The following THNSL1 variants were observed in gnomAD, a reference collection of about 807,000 sequenced individuals.
THNSL1 encodes the protein threonine synthase-like 1.
In THNSL1, 48 loss-of-function variants were observed where a neutral mutation model predicts 50.4. That is an observed-to-expected ratio of 0.95 (90% CI 0.76 to 1.21). THNSL1 has a LOEUF of 1.21. THNSL1 is among the 50% of genes most tolerant of loss of function. THNSL1 has a pLI of 0.00. For synonymous variants in THNSL1, 309 were observed against 306.1 expected, an observed-to-expected ratio of 1.01 and a Z score of -0.10; for missense variants, 896 against 871.7, an observed-to-expected ratio of 1.03 and a Z score of -0.35.
Position 25,025,428 on chromosome 10 carries a change from A to G in THNSL1, c.2205A>G (p.Glu735=), listed in dbSNP as rs1176408541. The G allele has an allele frequency of 6.2e-7, 1 of 1,607,974 alleles. No individual in the cohort carries two copies. Among genetic ancestry groups the G allele is most frequent in the Non-Finnish European group, 8.5e-7 (1 of 1,177,776 alleles). The change falls in exon 3 of 3, where the codon GAA becomes GAG. Residue 735 remains glutamate, a synonymous_variant. Coordinates refer to ENST00000376356, the MANE Select transcript of THNSL1 (RefSeq NM_024838.5). ...ADMNVLKSHV[E]QLVQNQFI is the part of the protein sequence containing the mutation. Reference sequence around the variant, plus strand: ...TGAATGTCTTGAAGAGTCATGTGGAACAACTTGTCCAAAATCAATTCATAT... The same window carrying G: ...TGAATGTCTTGAAGAGTCATGTGGAGCAACTTGTCCAAAATCAATTCATAT...
At chr10:25,020,493 A>G (rs1850698237) in intron 1 of THNSL1, among the ~76,000 whole-genome samples, 1 of 152,136 alleles carries the variant, frequency 6.6e-6, no homozygotes, top group Middle Eastern at 3.2e-3. Context: ...CTGGGCCAGT[A>G]TGGTGGTTCA....
chr10:24,999,695 T>C, the THNSL1 span: 10 of 748,974 alleles, frequency 1.3e-5, no homozygotes, highest in Non-Finnish European at 1.9e-5. Flanking sequence ...ACCTGAGCCC[T>C]GTCCATCAGA....
At chr10:24,972,027 C>G in the THNSL1 span, among the ~76,000 whole-genome samples, 1 of 151,224 alleles carries the variant, frequency 6.6e-6, no homozygotes, top group Non-Finnish European at 1.5e-5. Flanking sequence ...CCTGTCTCTA[C>G]TAAAAATACA....
At chr10:25,022,711 A>G (rs1246184950) in intron 2 of THNSL1, among the ~76,000 whole-genome samples, 1 of 152,210 alleles carries the variant, frequency 6.6e-6, no homozygotes, top group African/African-American at 2.4e-5. Context: ...GAAATTAAAT[A>G]TAAAGAATAT....
Position 25,024,234 on chromosome 10 carries a change from G to A in THNSL1, c.1011G>A (p.Gln337=). 2 of 1,614,204 alleles carry A rather than the reference G, an allele frequency of 1.2e-6. No individual in the cohort carries two copies. Among genetic ancestry groups the A allele is most frequent in the Non-Finnish European group, 1.7e-6 (2 of 1,180,034 alleles). Residue 337 remains glutamine, a synonymous_variant, in exon 3 of 3, where the codon CAG becomes CAA. Transcript: ENST00000376356. Reference sequence around the variant, plus strand: ...CTGTCAGGCACCTTTCAGGCAACCAGTTCATCCTGGAGTTGTTTCATGGAC... The same window carrying A: ...CTGTCAGGCACCTTTCAGGCAACCAATTCATCCTGGAGTTGTTTCATGGAC... ...IAPVRHLSGN[Q]FILELFHGPT...
intron 1 of THNSL1, among the ~76,000 whole-genome samples, chr10:25,020,280 A>ATATCTATATC (rs1231085900): frequency 1.1e-4 from 9 of 82,360 alleles, no homozygotes; most frequent in African/African-American, 4.2e-4. Flanking sequence ...ATATCTATAT[A>ATATCTATATC]TATCTACCCC....
chr10:25,008,102 C>G, the THNSL1 span, among the ~76,000 whole-genome samples: 1 of 151,460 alleles, frequency 6.6e-6, no homozygotes, highest in South Asian at 2.1e-4. Context: ...TAGAGACTGC[C>G]TAGCCAGATG....
chr10:24,998,478 G>T, the THNSL1 span, among the ~76,000 whole-genome samples: 1 of 151,652 alleles, frequency 6.6e-6, no homozygotes, highest in Non-Finnish European at 1.5e-5. Flanking sequence ...GGGCTCAAGC[G>T]ATCCTTCCAC....
At chr10:24,990,750 G>A in the THNSL1 span, 6 of 843,656 alleles carry the variant, frequency 7.1e-6, no homozygotes, top group Non-Finnish European at 6.9e-6. Flanking sequence ...ACAAAATTCA[G>A]TGACTTTTTT....
the THNSL1 span, among the ~76,000 whole-genome samples, chr10:24,962,267 A>T: frequency 6.6e-6 from 1 of 152,228 alleles, no homozygotes; most frequent in African/African-American, 2.4e-5. Context: ...GTAAATTACA[A>T]GAATATCTCT....
the THNSL1 span, among the ~76,000 whole-genome samples, chr10:24,968,790 C>T: frequency 1.3e-5 from 2 of 152,354 alleles, no homozygotes; most frequent in Middle Eastern, 3.4e-3. Flanking sequence ...ACTCAAGGCT[C>T]TGTTGTACAC....
intron 1 of THNSL1, among the ~76,000 whole-genome samples, chr10:25,017,386 T>A (rs1425926092): frequency 6.6e-6 from 1 of 152,068 alleles, no homozygotes; most frequent in Non-Finnish European, 1.5e-5. Context: ...GATGGATGCC[T>A]CTGAACCACC....
chr10:25,025,204 A>G lies in THNSL1; in HGVS notation c.1981A>G (p.Ile661Val). 1.9e-6 allele frequency: 3 copies of G among 1,614,156 alleles called. No individual in the cohort carries two copies. Among genetic ancestry groups the G allele is most frequent in the Non-Finnish European group, 2.5e-6 (3 of 1,180,022 alleles). The change falls in exon 3 of 3, where the codon ATT becomes GTT. Residue 661 changes from isoleucine (I) to valine (V), a missense_variant. Ile to Val is a conservative substitution (Grantham distance 29). Coordinates refer to ENST00000376356, the MANE Select transcript of THNSL1 (RefSeq NM_024838.5). ...DRVQDKTCPVIISSTAHYSKF... is the reference protein window; with the variant it reads ...DRVQDKTCPVVISSTAHYSKF... ...GGTGCAAGACAAAACTTGCCCTGTG[A>G]TTATCTCATCTACAGCCCATTACTC...
At position 25,024,284 on chromosome 10, in the gene THNSL1, CT is replaced by C. The variant is rs1695852080; in HGVS notation, c.1064del (p.Leu355TyrfsTer19). ...HGPTGSFKDL[S>X]LQLMPHIFAH... ...CCAACAGGATCATTTAAAGATTTGTCTTTACAGCTTATGCCTCATATTTTTG... is the reference window on the plus strand; with the variant it reads ...CCAACAGGATCATTTAAAGATTTGTCTTACAGCTTATGCCTCATATTTTTG... On this transcript the variant is annotated frameshift_variant, in exon 3 of 3. Coordinates refer to ENST00000376356, the MANE Select transcript of THNSL1 (RefSeq NM_024838.5). LOFTEE classifies it high-confidence loss of function. 1 of 1,614,072 alleles carries C rather than the reference CT, an allele frequency of 6.2e-7. No homozygotes were observed. The highest frequency in any genetic ancestry group is 1.3e-5 in the African/African-American group (1 of 74,934).
chr10:25,019,882 C>T (rs1240617351), intron 1 of THNSL1, among the ~76,000 whole-genome samples: 1 of 151,954 alleles, frequency 6.6e-6, no homozygotes, highest in Non-Finnish European at 1.5e-5. Flanking sequence ...TTCCATTTCT[C>T]CGTGAATTAA....
At chr10:25,014,623 C>T (rs1213493500), upstream of THNSL1, among the ~76,000 whole-genome samples, 2 of 152,072 alleles carry the variant, frequency 1.3e-5, no homozygotes, top group African/African-American at 2.4e-5. Context: ...TATAGAAATA[C>T]AATCTACCAA....
In THNSL1 at chr10:25,024,436, G is replaced by T. The variant is rs770557298; in HGVS notation, c.1213G>T (p.Ala405Ser). 4 of 1,614,018 alleles carry T rather than the reference G, an allele frequency of 2.5e-6. No homozygotes were observed. The highest frequency in any genetic ancestry group is 3.4e-6 in the Non-Finnish European group (4 of 1,180,024). The stretch of plus-strand genomic sequence containing the variant: ...TGATAAGCAAAGGATAGCTGTGGTT[G>T]CATTTTTTCCTGAGAATGGAGTAAG... The part of the protein sequence containing the change: ...KNDKQRIAVV[A>S]FFPENGVSDF... Residue 405 changes from alanine (A) to serine (S), a missense_variant, in exon 3 of 3, where the codon GCA becomes TCA. Coordinates refer to ENST00000376356, the MANE Select transcript of THNSL1 (RefSeq NM_024838.5).
upstream of THNSL1, among the ~76,000 whole-genome samples, chr10:25,012,113 C>T (rs761011530): frequency 6.6e-6 from 1 of 152,250 alleles, no homozygotes; most frequent in African/African-American, 2.4e-5. Flanking sequence ...TTGGTGGCTT[C>T]CACATGGTGT....
chr10:24,965,735 T>C, the THNSL1 span, among the ~76,000 whole-genome samples: 1 of 152,248 alleles, frequency 6.6e-6, no homozygotes, highest in Non-Finnish European at 1.5e-5. Context: ...ATTTTTCTTC[T>C]GGAACAACAC....
Sources: gnomAD v4.1 joint callset for allele counts (sites outside exome capture counted in the v4.1 genomes callset) on GRCh38, gnomAD v4.1.1 for gene constraint, MANE v1.5 for transcripts, NCBI Gene and HGNC (gene_info 2026-07-23, HGNC 2026-07-21) for gene names.